The following CCDC78 variants were observed in gnomAD, a reference collection of about 807,000 sequenced individuals.
CCDC78 encodes coiled-coil domain containing 78, also known as coiled-coil domain-containing protein 78.
Under a neutral mutation model 61.9 loss-of-function variants are expected in CCDC78, and 78 were observed. The ratio of observed to expected loss-of-function variants is 1.26; its 90% CI spans 1.05 to 1.52. CCDC78 has a LOEUF of 1.52. Among genes scored for constraint, CCDC78 ranks in the 40% most tolerant of loss-of-function variants. The probability of loss-of-function intolerance (pLI) is 0.00; values close to 1 mark genes in which losing one functional copy is unlikely to be tolerated. For synonymous variants in CCDC78, 287 were observed against 251.9 expected (o/e 1.14, Z -1.32); for missense variants, 737 against 615.5 (o/e 1.20, Z -2.09).
chr16:723,826 A>G (rs760821623), intron 11 of CCDC78, 31 bp downstream of exon 11: 4 of 1,549,262 alleles, frequency 2.6e-6, no homozygotes, highest in Non-Finnish European at 3.5e-6. Context: ...CATCCCCCAC[A>G]GGCCTCCCCC....
intron 3 of CCDC78, 93 bp downstream of exon 3, chr16:725,701 G>T: frequency 6.4e-7 from 1 of 1,569,768 alleles, no homozygotes; most frequent in South Asian, 1.1e-5. Flanking sequence ...ACCCACAGAT[G>T]CCATGTGCGT....
At chr16:725,667 C>G in intron 3 of CCDC78, 87 bp from the exon 4 acceptor site, 1 of 1,578,608 alleles carries the variant, frequency 6.3e-7, no homozygotes, top group Non-Finnish European at 8.6e-7. Context: ...CTCAGGGGCG[C>G]GCAGCACTCA....
chr16:722,841 C>G (rs1210813436), intron 13 of CCDC78, 52 bp from the exon 14 acceptor site: 1 of 1,609,200 alleles, frequency 6.2e-7, no homozygotes, highest in Admixed American at 1.7e-5. Flanking sequence ...GACAGGTCTG[C>G]TTTTAGCGCC....
At position 725,803 on chromosome 16, in the gene CCDC78, C is replaced by T. The variant is rs1190142185; in HGVS notation, c.258G>A (p.Leu86=). The T allele has an allele frequency of 2.5e-6, 4 of 1,607,672 alleles. No individual in the cohort carries two copies. The South Asian group carries it at 3.3e-5, about 13-fold the overall frequency. Residue 86 remains leucine, a synonymous_variant, in exon 3 of 14, where the codon CTG becomes CTA. Transcript: ENST00000345165. ...TCACACGGCTGCTCACCTCACTCTT[C>T]AGCTGGAAGATTTCAGCCTCATGCT... is the stretch of plus-strand genomic sequence containing the variant. ...HEQHEAEIFQ[L]KSEILRLESR...
At chr16:722,835 G>A (rs1295174434) in intron 13 of CCDC78, 46 bp from the exon 14 acceptor site, 4 of 1,608,710 alleles carry the variant, frequency 2.5e-6, no homozygotes, top group African/African-American at 1.3e-5. Flanking sequence ...GCTGTGGACA[G>A]GTCTGCTTTT....
intron 8 of CCDC78, 26 bp downstream of exon 8, chr16:724,655 C>T (rs1301065932): frequency 5.0e-6 from 8 of 1,604,092 alleles, no homozygotes; most frequent in Non-Finnish European, 5.9e-6. Flanking sequence ...GCTCCCTAGG[C>T]CTCAGGGTGC....
chr16:725,194 C>T, intron 5 of CCDC78, 43 bp downstream of exon 5: 2 of 1,611,488 alleles, frequency 1.2e-6, no homozygotes, highest in South Asian at 1.1e-5. Context: ...CTTGGGGTCT[C>T]TGGTGCTGCC....
Position 725,163 on chromosome 16 carries a change from C to A in CCDC78, c.493-18G>T. On this transcript the variant is annotated intron_variant, in intron 5 of 13. Transcript: ENST00000345165. Reference sequence around the variant, plus strand: ...CCCTGCAGCTGTGGGGCACACAGGGCTGGCTGGATGAGACCCTAGGCTTGG... The same window carrying A: ...CCCTGCAGCTGTGGGGCACACAGGGATGGCTGGATGAGACCCTAGGCTTGG... 1 of 1,612,638 alleles carries A rather than the reference C, an allele frequency of 6.2e-7. No individual in the cohort carries two copies. The highest frequency in any genetic ancestry group is 8.5e-7 in the Non-Finnish European group (1 of 1,180,010).
chr16:726,726 A>G (rs1303733853), upstream of CCDC78: 2 of 418,478 alleles, frequency 4.8e-6, no homozygotes, highest in Non-Finnish European at 4.5e-6. Flanking sequence ...CACTCGCTGG[A>G]CACCTTCTGT....
chr16:724,138 G>T lies in CCDC78; in HGVS notation c.1021C>A (p.Leu341Met). The T allele has an allele frequency of 6.2e-7, 1 of 1,603,584 alleles. No individual in the cohort carries two copies. The highest frequency in any genetic ancestry group is 1.7e-4 in the Middle Eastern group (1 of 6,020). Residue 341 changes from leucine to methionine, a missense_variant, in exon 10 of 14, where the codon CTG becomes ATG. Coordinates refer to ENST00000345165, the MANE Select transcript of CCDC78 (RefSeq NM_001378030.1). ...SLDLEPLPVP[L>M]VTDFSHREDQ... is the part of the protein sequence containing the mutation. ...TCCCGATGGCTGAAGTCAGTGACCA[G>T]GGGCACGGGCAATGGTTCCAGGTCC...
In CCDC78 at chr16:724,714, G is replaced by A. The variant is rs768495466; in HGVS notation, c.732C>T (p.Val244=). The change falls in exon 8 of 14, where the codon GTC becomes GTT. Residue 244 remains valine, a synonymous_variant. Coordinates refer to ENST00000345165, the MANE Select transcript of CCDC78 (RefSeq NM_001378030.1). ...GCCAGGCGCAGTGTTGCAGCCGTAG[G>A]ACGTACTCATCCTTCAGTTTCTTGA... ...LQLKKLKDEY[V]LRLQHCAWQA... The A allele has an allele frequency of 9.9e-6, 16 of 1,611,864 alleles. No homozygotes were observed. In the East Asian group the frequency reaches 3.6e-4, roughly 36 times the overall value.
chr16:726,318 C>T lies in CCDC78; in HGVS notation c.50G>A (p.Arg17Gln), dbSNP rs1046402338. 12 of 1,548,344 alleles carry T rather than the reference C, an allele frequency of 7.8e-6. No individual in the cohort carries two copies. The highest frequency in any genetic ancestry group is 2.4e-5 in the South Asian group (2 of 84,052). ...TGPRPGPPSR[R>Q]VENVVLRAKD... The stretch of plus-strand genomic sequence containing the variant: ...TCCCAGAGGACTCACATTCTCCACC[C>T]GCCGAGAGGGAGGTCCAGGCCTGGG... Residue 17 changes from arginine (R) to glutamine (Q), a missense_variant, in exon 1 of 14, where the codon CGG becomes CAG. Transcript: ENST00000345165.
rs2040841344 is a variant in CCDC78 at position 725,712 on chromosome 16, G to A, written c.267+82C>T. ...TGAGACCCACAGATGCCATGTGCGT[G>A]TGCATGCCCATGCAGGGCACGTGTC... On this transcript the variant is annotated intron_variant, in intron 3 of 13. Transcript: ENST00000345165. 2.5e-6 allele frequency: 4 copies of A among 1,573,362 alleles called. No individual in the cohort carries two copies. In the South Asian group the frequency reaches 3.4e-5, roughly 13 times the overall value.
At position 725,941 on chromosome 16, in the gene CCDC78, G is replaced by A. The variant is rs765293870; in HGVS notation, c.180+25C>T. ...CCCTGCTGGCACCCTCCCTCCTCAC[G>A]AGCACGCTGGGGCCCCACACCCACC... On this transcript the variant is annotated intron_variant, in intron 2 of 13. Transcript: ENST00000345165. 6.4e-6 allele frequency: 10 copies of A among 1,568,572 alleles called. No individual in the cohort carries two copies. In the Admixed American group the frequency reaches 7.5e-5, roughly 12 times the overall value.
rs1294551214 is a variant in CCDC78 at position 724,998 on chromosome 16, A to T, written c.561-9T>A. On this transcript the variant is annotated splice_polypyrimidine_tract_variant and intron_variant, in intron 6 of 13. Transcript: ENST00000345165. Reference sequence around the variant, plus strand: ...GCCGGCCCAGGGTTGCCCTGAAGACACGGGGGTGAGGCTCAGCAGGCCCAC... The same window carrying T: ...GCCGGCCCAGGGTTGCCCTGAAGACTCGGGGGTGAGGCTCAGCAGGCCCAC... 1.2e-6 allele frequency: 2 copies of T among 1,612,024 alleles called. No individual in the cohort carries two copies. Among genetic ancestry groups the T allele is most frequent in the African/African-American group, 2.7e-5 (2 of 74,886 alleles).
In CCDC78 at chr16:725,416, G is replaced by C. The variant is rs144640928; in HGVS notation, c.432C>G (p.Phe144Leu). Residue 144 changes from phenylalanine to leucine, a missense_variant, in exon 4 of 14, where the codon TTC becomes TTG. Transcript: ENST00000345165. ...QVPGHSDDHRFQVQPKNTMNP... is the reference protein window; with the variant it reads ...QVPGHSDDHRLQVQPKNTMNP... ...CTCTCCATATGCTCATGGTAACCTG[G>C]AATCTGTGGTCATCAGAGTGTCCAG... 20 of 1,612,594 alleles carry C rather than the reference G, an allele frequency of 1.2e-5. No individual in the cohort carries two copies. The African/African-American group carries it at 2.5e-4, about 20-fold the overall frequency.
Position 725,952 on chromosome 16 carries a change from G to A in CCDC78, c.180+14C>T, listed in dbSNP as rs747340016. 3.6e-5 allele frequency: 56 copies of A among 1,562,554 alleles called. No individual in the cohort carries two copies. The highest frequency in any genetic ancestry group is 3.3e-4 in the Middle Eastern group (2 of 6,026). Reference sequence around the variant, plus strand: ...CCCTCCCTCCTCACGAGCACGCTGGGGCCCCACACCCACCTGCAGCTGCTG... The same window carrying A: ...CCCTCCCTCCTCACGAGCACGCTGGAGCCCCACACCCACCTGCAGCTGCTG... On this transcript the variant is annotated intron_variant, in intron 2 of 13. Transcript: ENST00000345165.
rs761952739 is a variant in CCDC78 at position 724,544 on chromosome 16, C to A, written c.766-35G>T. 2.7e-5 allele frequency: 42 copies of A among 1,567,108 alleles called. No homozygotes were observed. The East Asian group carries it at 3.0e-4, about 11-fold the overall frequency. The stretch of plus-strand genomic sequence containing the variant: ...GCGGGCTGGGTCCGCATGGGGCCCA[C>A]CCCCCATCTTTTCCAACCATCCCCC... On this transcript the variant is annotated intron_variant, in intron 8 of 13. Transcript: ENST00000345165.
intron 11 of CCDC78, 124 bp downstream of exon 11, chr16:723,733 G>T: frequency 1.2e-6 from 1 of 835,960 alleles, no homozygotes; most frequent in Non-Finnish European, 2.0e-6. Flanking sequence ...GCCACTGAGT[G>T]CATTGCTGTG....
Sources: allele counts gnomAD v4.1 joint callset, GRCh38; gene constraint gnomAD v4.1.1; transcripts MANE v1.5; gene names NCBI Gene and HGNC (gene_info 2026-07-23, HGNC 2026-07-21).